The following ADGRL3 variants were observed in gnomAD, a reference collection of about 807,000 sequenced individuals.
ADGRL3 encodes calcium-independent alpha-latrotoxin receptor 3.
ADGRL3 carries 62 observed loss-of-function variants against 153.5 expected under a neutral mutation model. That is an observed-to-expected ratio of 0.40 (90% CI 0.33 to 0.50). The LOEUF (loss-of-function observed/expected upper bound fraction) is 0.50. Among genes scored for constraint, ADGRL3 ranks in the 20% least tolerant of loss-of-function variants. The pLI is 0.47. For synonymous variants in ADGRL3, 710 were observed against 672.5 expected (o/e 1.06, Z -0.86); for missense variants, 1,641 against 1,859.4 (o/e 0.88, Z 2.16).
intron 1 of ADGRL3, among the ~76,000 whole-genome samples, chr4:61,330,061 T>C (rs1160457216): frequency 6.6e-6 from 1 of 152,204 alleles, no homozygotes; most frequent in African/African-American, 2.4e-5. Flanking sequence ...ATTGTGCATA[T>C]GCTGGAAAAT....
chr4:61,407,804 A>G (rs569314651), intron 2 of ADGRL3, among the ~76,000 whole-genome samples: 6 of 152,318 alleles, frequency 3.9e-5, no homozygotes, highest in African/African-American at 1.4e-4. Flanking sequence ...ATTCTCAAGT[A>G]TGTATGTACT....
At chr4:61,249,322 A>ATATGTTGTACATATTT (rs1758295963) in intron 1 of ADGRL3, among the ~76,000 whole-genome samples, 2 of 152,288 alleles carry the variant, frequency 1.3e-5, no homozygotes, top group Admixed American at 1.3e-4. Context: ...AGGGGCCTAG[A>ATATGTTGTACATATTT]CAGTACAGAA....
chr4:61,866,122 C>G (rs2098397816), intron 9 of ADGRL3, among the ~76,000 whole-genome samples: 1 of 152,176 alleles, frequency 6.6e-6, no homozygotes, highest in Non-Finnish European at 1.5e-5. Flanking sequence ...AAGCACCATC[C>G]CCTGCCCCTG....
At chr4:61,294,879 A>C (rs946985718) in intron 1 of ADGRL3, among the ~76,000 whole-genome samples, 1 of 121,808 alleles carries the variant, frequency 8.2e-6, no homozygotes, top group Non-Finnish European at 1.7e-5. Flanking sequence ...CTTCAAATTA[A>C]ATTTTACACA....
Position 61,553,814 on chromosome 4 carries a change from T to C in ADGRL3, c.260-33413T>C, listed in dbSNP as rs117622384. Among the ~76,000 whole-genome samples, 26 of 152,264 alleles carry C rather than the reference T, an allele frequency of 1.7e-4. No individual in the cohort carries two copies. The East Asian group carries it at 3.5e-3, about 20-fold the overall frequency. On this transcript the variant is annotated intron_variant, in intron 4 of 26. Transcript: ENST00000683033. ...AAGCTCTCTAAACTTCTGAACTAAC[T>C]CCTACAATTCACATCTTTGGGTTTT...
chr4:61,619,547 A>C (rs974706877), intron 5 of ADGRL3, among the ~76,000 whole-genome samples: 6 of 141,892 alleles, frequency 4.2e-5, no homozygotes, highest in African/African-American at 1.5e-4. Flanking sequence ...ACACACACAC[A>C]CTCTAATCAT....
chr4:62,006,519 G>A (rs1386970861), intron 21 of ADGRL3, among the ~76,000 whole-genome samples: 1 of 150,572 alleles, frequency 6.6e-6, no homozygotes, highest in East Asian at 1.9e-4. Flanking sequence ...TGCAGATGCT[G>A]AGTTGGAAGT....
chr4:61,305,487 C>T (rs1385720301), intron 1 of ADGRL3, among the ~76,000 whole-genome samples: 1 of 152,114 alleles, frequency 6.6e-6, no homozygotes, highest in East Asian at 1.9e-4. Flanking sequence ...GTAGGAAACA[C>T]TGGAGTTGGA....
chr4:61,282,685 C>A (rs1254352181), intron 1 of ADGRL3, among the ~76,000 whole-genome samples: 1 of 151,756 alleles, frequency 6.6e-6, no homozygotes, highest in Non-Finnish European at 1.5e-5. Context: ...ACATACAAAT[C>A]TTTTTATCTT....
At chr4:61,239,995 C>T (rs1226465351) in intron 1 of ADGRL3, among the ~76,000 whole-genome samples, 2 of 152,068 alleles carry the variant, frequency 1.3e-5, no homozygotes, top group Non-Finnish European at 2.9e-5. Flanking sequence ...TTGGGATTGT[C>T]TTAGTCCATT....
At chr4:61,934,613 T>G (rs762378754) in intron 13 of ADGRL3, among the ~76,000 whole-genome samples, 2 of 152,162 alleles carry the variant, frequency 1.3e-5, no homozygotes, top group Non-Finnish European at 2.9e-5. Context: ...TTGTTGTCCT[T>G]CAAAACAAAA....
Position 61,992,968 on chromosome 4 carries a change from A to C in ADGRL3, c.3237-3323A>C, listed in dbSNP as rs574744503. 7.2e-5 allele frequency among the ~76,000 whole-genome samples: 11 copies of C among 152,276 alleles called. No individual in the cohort carries two copies. In the East Asian group the frequency reaches 1.5e-3, roughly 21 times the overall value. On this transcript the variant is annotated intron_variant, in intron 19 of 26. Coordinates refer to ENST00000683033, the MANE Select transcript of ADGRL3 (RefSeq NM_001387552.1). ...TAAAGGTATTTGTTTAGATTCCTTA[A>C]CTTGTAAAATAATCTTCTATAGAAG...
intron 1 of ADGRL3, among the ~76,000 whole-genome samples, chr4:61,318,210 A>AAAAAAAC (rs1560467266): frequency 8.8e-5 from 12 of 136,498 alleles, no homozygotes; most frequent in Non-Finnish European, 1.2e-4. Flanking sequence ...AAAAAAAAAA[A>AAAAAAAC]AAAACACAAA....
At chr4:61,249,376 T>C (rs1205264566) in intron 1 of ADGRL3, among the ~76,000 whole-genome samples, 2 of 152,160 alleles carry the variant, frequency 1.3e-5, no homozygotes, top group African/African-American at 4.8e-5. Context: ...CAGTAAGTGA[T>C]GCATGGCTCT....
chr4:61,533,459 C>T (rs2098635861), intron 4 of ADGRL3, among the ~76,000 whole-genome samples: 1 of 107,986 alleles, frequency 9.3e-6, no homozygotes, highest in African/African-American at 3.8e-5. Flanking sequence ...TGTAATCTCT[C>T]TGAGAGCATT....
intron 8 of ADGRL3, among the ~76,000 whole-genome samples, chr4:61,779,328 C>T (rs1172361235): frequency 1.3e-5 from 2 of 151,692 alleles, no homozygotes; most frequent in African/African-American, 4.8e-5. Context: ...GGGTGGAGCC[C>T]AGCAATCTAC....
At chr4:61,462,991 C>G (rs1453606998) in intron 2 of ADGRL3, among the ~76,000 whole-genome samples, 3 of 152,084 alleles carry the variant, frequency 2.0e-5, no homozygotes, top group Admixed American at 2.0e-4. Flanking sequence ...AATAAAAGAC[C>G]AGTTACAGAT....
chr4:61,292,255 G>A (rs2094248176), intron 1 of ADGRL3, among the ~76,000 whole-genome samples: 1 of 151,998 alleles, frequency 6.6e-6, no homozygotes, highest in South Asian at 2.1e-4. Flanking sequence ...TAGGGCTGAA[G>A]TATAAAATAT....
chr4:62,039,648 A>G (rs1727059723), intron 24 of ADGRL3, among the ~76,000 whole-genome samples: 1 of 152,196 alleles, frequency 6.6e-6, no homozygotes, highest in African/African-American at 2.4e-5. Flanking sequence ...TTTGCCAAAC[A>G]GAGATCTGAA....
Sources: allele counts gnomAD v4.1 joint callset (sites outside exome capture counted in the v4.1 genomes callset), GRCh38; gene constraint gnomAD v4.1.1; transcripts MANE v1.5; gene names NCBI Gene and HGNC (gene_info 2026-07-23, HGNC 2026-07-21).